The following SHISA6 variants were observed in gnomAD, a reference collection of about 807,000 sequenced individuals.
SHISA6 encodes the protein shisa family member 6.
Under a neutral mutation model 47.9 loss-of-function variants are expected in SHISA6, and 22 were observed. The observed-to-expected ratio is 0.46, with a 90% confidence interval of 0.33 to 0.66. The LOEUF (loss-of-function observed/expected upper bound fraction) is 0.66, where lower values mean the gene tolerates loss of function less well. SHISA6 is among the 30% of genes least tolerant of loss of function. The probability of loss-of-function intolerance (pLI) is 0.02; values close to 1 mark genes in which losing one functional copy is unlikely to be tolerated. For synonymous variants in SHISA6, 388 were observed against 337.8 expected (o/e 1.15, Z -1.63); for missense variants, 680 against 764.6 (o/e 0.89, Z 1.30).
intron 3 of SHISA6, among the ~76,000 whole-genome samples, chr17:11,420,235 A>G (rs573975836): frequency 2.6e-5 from 4 of 152,236 alleles, no homozygotes; most frequent in South Asian, 4.2e-4. Flanking sequence ...AGTACAAGGA[A>G]TTCATCTGGG....
chr17:11,259,827 G>A (rs1196189186), intron 1 of SHISA6, among the ~76,000 whole-genome samples: 3 of 152,212 alleles, frequency 2.0e-5, no homozygotes, highest in Non-Finnish European at 4.4e-5. Context: ...ATGATTTGTA[G>A]GAAGTGAAAT....
At chr17:11,481,505 T>G (rs1294387374) in intron 3 of SHISA6, among the ~76,000 whole-genome samples, 2 of 151,500 alleles carry the variant, frequency 1.3e-5, no homozygotes, top group African/African-American at 4.9e-5. Flanking sequence ...TTGTTTTTTT[T>G]TTTTGGAGAT....
intron 2 of SHISA6, among the ~76,000 whole-genome samples, chr17:11,315,409 A>C (rs1207213383): frequency 6.6e-6 from 1 of 152,102 alleles, no homozygotes; most frequent in East Asian, 1.9e-4. Context: ...CTTCTATTTC[A>C]ATATTTATTT....
At position 11,401,783 on chromosome 17, in the gene SHISA6, G is replaced by A. The variant is rs79195385; in HGVS notation, c.895+22274G>A. Among the ~76,000 whole-genome samples, 81 of 152,266 alleles carry A rather than the reference G, an allele frequency of 5.3e-4. No homozygotes were observed. The East Asian group carries it at 9.9e-3, about 19-fold the overall frequency. On this transcript the variant is annotated intron_variant, in intron 3 of 5. Transcript: ENST00000441885. Reference sequence around the variant, plus strand: ...ATACTAACGGAGGTTCTGCCATCCTGTAGCTGCACAGAACATGCAACCTCC... The same window carrying A: ...ATACTAACGGAGGTTCTGCCATCCTATAGCTGCACAGAACATGCAACCTCC...
At position 11,263,619 on chromosome 17, in the gene SHISA6, T is replaced by G. The variant is rs572310654; in HGVS notation, c.799+93T>G. The G allele has an allele frequency of 1.1e-5, 16 of 1,459,506 alleles. No homozygotes were observed. In the South Asian group the frequency reaches 1.4e-4, roughly 13 times the overall value. The allele number at this position is 1,459,506 out of a possible 1,614,324, so 90.4% of individuals were successfully genotyped here. A position where few individuals can be genotyped will look rare whatever the true frequency, so the allele number is the denominator to read the frequency against. ...TGGTGGGGCAGGTTGTGGACCATGATGGTGTGATGAGGGACTCTCATGGAC... is the reference window on the plus strand; with the variant it reads ...TGGTGGGGCAGGTTGTGGACCATGAGGGTGTGATGAGGGACTCTCATGGAC... On this transcript the variant is annotated intron_variant, in intron 2 of 5. Coordinates refer to ENST00000441885, the MANE Select transcript of SHISA6 (RefSeq NM_207386.4).
At chr17:11,367,995 A>G (rs1437399039) in intron 2 of SHISA6, among the ~76,000 whole-genome samples, 2 of 152,170 alleles carry the variant, frequency 1.3e-5, no homozygotes, top group Non-Finnish European at 2.9e-5. Flanking sequence ...TTATAGTTCC[A>G]TCATCTTCCC....
Position 11,241,549 on chromosome 17 carries a change from G to C in SHISA6, c.127G>C (p.Gly43Arg), listed in dbSNP as rs1232740065. Reference protein sequence around the residue: ...RTLSAGGAAVGGRRAGGALAR... With the variant: ...RTLSAGGAAVRGRRAGGALAR... ...CCTGAGTGCAGGCGGCGCTGCCGTC[G>C]GGGGCCGGAGGGCCGGGGGCGCCCT... Residue 43 changes from glycine to arginine, a missense_variant, in exon 1 of 6, where the codon GGG becomes CGG. Coordinates refer to ENST00000441885, the MANE Select transcript of SHISA6 (RefSeq NM_207386.4). The surrounding 1 kb of genome is among the most constrained non-coding windows in gnomAD (Gnocchi z 5.5). 6 of 1,083,384 alleles carry C rather than the reference G, an allele frequency of 5.5e-6. No homozygotes were observed. Among genetic ancestry groups the C allele is most frequent in the Non-Finnish European group, 6.7e-6 (6 of 895,924 alleles). 67.1% of individuals were successfully genotyped at this position (1,083,384 alleles called of 1,614,324 possible).
At chr17:11,341,629 T>C (rs1420793288) in intron 2 of SHISA6, among the ~76,000 whole-genome samples, 1 of 152,020 alleles carries the variant, frequency 6.6e-6, no homozygotes, top group African/African-American at 2.4e-5. Context: ...CCACCGCGCC[T>C]GCCCAGGAAT....
At chr17:11,483,300 T>TA (rs59166425) in intron 3 of SHISA6, among the ~76,000 whole-genome samples, 25,796 of 138,482 alleles carry the variant, frequency 0.19, 2,414 homozygotes, top group Middle Eastern at 0.29. Context: ...AAACTCCGTC[T>TA]AAAAAAAAAA....
intron 2 of SHISA6, among the ~76,000 whole-genome samples, chr17:11,345,260 T>TG (rs1201042572): frequency 6.6e-6 from 1 of 152,130 alleles, no homozygotes. Context: ...AACATGAGGG[T>TG]GTAGATATCT....
chr17:11,475,833 T>A (rs1023626944), intron 3 of SHISA6, among the ~76,000 whole-genome samples: 5 of 152,076 alleles, frequency 3.3e-5, no homozygotes, highest in African/African-American at 1.2e-4. Context: ...TCTTTATTCA[T>A]CTCTGAGACA....
At chr17:11,505,609 T>C (rs565856490) in intron 3 of SHISA6, among the ~76,000 whole-genome samples, 4 of 152,334 alleles carry the variant, frequency 2.6e-5, no homozygotes, top group Admixed American at 6.5e-5. Flanking sequence ...TCCCAGAGCT[T>C]TGGCATGGAT....
At chr17:11,365,718 G>A (rs1912428443) in intron 2 of SHISA6, among the ~76,000 whole-genome samples, 1 of 152,188 alleles carries the variant, frequency 6.6e-6, no homozygotes, top group African/African-American at 2.4e-5. Flanking sequence ...GCCCAGCACT[G>A]CTCTAGGTAC....
intron 3 of SHISA6, among the ~76,000 whole-genome samples, chr17:11,509,025 T>TGATTATAAAATCAGC (rs1172165511): frequency 6.6e-6 from 1 of 152,216 alleles, no homozygotes; most frequent in Non-Finnish European, 1.5e-5. Flanking sequence ...TAGCACCAGC[T>TGATTATAAAATCAGC]GATTATAAAA....
At chr17:11,487,697 A>G (rs1916386739) in intron 3 of SHISA6, among the ~76,000 whole-genome samples, 1 of 152,216 alleles carries the variant, frequency 6.6e-6, no homozygotes, top group African/African-American at 2.4e-5. Flanking sequence ...GCAATTTGCT[A>G]CTGCCAGGAC....
At chr17:11,466,258 G>T (rs538951201) in intron 3 of SHISA6, among the ~76,000 whole-genome samples, 64 of 152,274 alleles carry the variant, frequency 4.2e-4, no homozygotes, top group African/African-American at 1.5e-3. Flanking sequence ...AGAATGTTGG[G>T]TTGAACTTGA....
intron 2 of SHISA6, among the ~76,000 whole-genome samples, chr17:11,331,658 C>G (rs1284748668): frequency 2.6e-5 from 4 of 152,184 alleles, no homozygotes; most frequent in African/African-American, 9.7e-5. Context: ...TTTGCTCTCT[C>G]TCTCACATAC....
rs556379273 is a variant in SHISA6 at position 11,412,706 on chromosome 17, T to C, written c.895+33197T>C. 1.1e-3 allele frequency among the ~76,000 whole-genome samples: 167 copies of C among 152,030 alleles called. 1 individual carries two copies. The highest frequency in any genetic ancestry group is 3.9e-3 in the African/African-American group (162 of 41,380). On this transcript the variant is annotated intron_variant, in intron 3 of 5. Transcript: ENST00000441885. ...ACAGGCACCGGCCACCGTGCCGGGC[T>C]AATTTTTTGTATTTTTAGTAGAGAC... is the stretch of plus-strand genomic sequence containing the variant.
intron 2 of SHISA6, among the ~76,000 whole-genome samples, chr17:11,319,959 C>T (rs1463667667): frequency 2.0e-5 from 3 of 152,122 alleles, no homozygotes; most frequent in Non-Finnish European, 4.4e-5. Flanking sequence ...AGTTCTAAAA[C>T]GTTTGAAAGG....
Sources: allele counts gnomAD v4.1 joint callset (sites outside exome capture counted in the v4.1 genomes callset), GRCh38; gene constraint gnomAD v4.1.1; non-coding constraint Gnocchi (gnomAD v3.1); transcripts MANE v1.5; gene names NCBI Gene and HGNC (gene_info 2026-07-23, HGNC 2026-07-21).